SAMMSON: variants seen among roughly 807,000 people sequenced by gnomAD.
SAMMSON encodes the protein survival associated mitochondrial melanoma specific oncogenic non-coding RNA, also known as long intergenic non-protein coding RNA 1212.
chr3:70,148,215 A>G (rs1303511268), intron 4 of SAMMSON, among the ~76,000 whole-genome samples: 1 of 152,130 alleles, frequency 6.6e-6, no homozygotes. Flanking sequence ...ATTCTGGAAA[A>G]TAGTTCAGTG....
At chr3:70,113,404 G>A (rs1192146550) in intron 4 of SAMMSON, among the ~76,000 whole-genome samples, 1 of 152,102 alleles carries the variant, frequency 6.6e-6, no homozygotes, top group Non-Finnish European at 1.5e-5. Context: ...ATAAACCAAT[G>A]TTACAAATAA....
chr3:70,228,912 A>T (rs945481194), intron 4 of SAMMSON, among the ~76,000 whole-genome samples: 13 of 152,100 alleles, frequency 8.5e-5, no homozygotes, highest in African/African-American at 3.1e-4. Context: ...ACTCAGCTAA[A>T]AGGTGTGAGT....
At chr3:70,093,868 C>G (rs1402253541) in intron 4 of SAMMSON, among the ~76,000 whole-genome samples, 1 of 152,134 alleles carries the variant, frequency 6.6e-6, no homozygotes, top group African/African-American at 2.4e-5. Context: ...AAAACCAAAG[C>G]TTTTTGATTC....
intron 4 of SAMMSON, among the ~76,000 whole-genome samples, chr3:70,153,221 TTTTAAATGAC>T (rs1410860950): frequency 6.6e-6 from 1 of 151,966 alleles, no homozygotes; most frequent in Non-Finnish European, 1.5e-5. Context: ...CGCCCAAGTT[TTTTAAATGAC>T]TTTACAAAGT....
intron 7 of SAMMSON, among the ~76,000 whole-genome samples, chr3:70,308,749 A>G (rs1702428154): frequency 6.6e-6 from 1 of 152,132 alleles, no homozygotes; most frequent in African/African-American, 2.4e-5. Flanking sequence ...GAGTTGGATA[A>G]ATGATATGAA....
chr3:70,193,739 G>A (rs1001405166), intron 4 of SAMMSON, among the ~76,000 whole-genome samples: 3 of 152,128 alleles, frequency 2.0e-5, no homozygotes, highest in African/African-American at 7.2e-5. Context: ...CAAAATTCTT[G>A]CAGTCAAACA....
intron 6 of SAMMSON, among the ~76,000 whole-genome samples, chr3:70,287,956 T>C (rs1488478066): frequency 6.6e-6 from 1 of 152,196 alleles, no homozygotes; most frequent in Non-Finnish European, 1.5e-5. Flanking sequence ...TCTTTTTTTC[T>C]TTATTAGTCT....
intron 3 of SAMMSON, among the ~76,000 whole-genome samples, chr3:70,022,426 C>CAAAAAAAAAAAAAAAAA (rs60455629): frequency 3.3e-5 from 3 of 91,124 alleles, no homozygotes; most frequent in Non-Finnish European, 6.7e-5. Flanking sequence ...AGTATAATAA[C>CAAAAAAAAAAAAAAAAA]AAAAAAAAAA....
intron 7 of SAMMSON, among the ~76,000 whole-genome samples, chr3:70,324,191 CT>C (rs71126491): frequency 0.41 from 47,426 of 116,402 alleles, 8,447 homozygotes; most frequent in Non-Finnish European, 0.47. Flanking sequence ...ATCTATCTAT[CT>C]ATCTATCATC....
intron 7 of SAMMSON, among the ~76,000 whole-genome samples, chr3:70,327,283 A>G (rs1482306543): frequency 1.3e-5 from 2 of 152,220 alleles, no homozygotes; most frequent in Admixed American, 1.3e-4. Context: ...CTTAAAACAA[A>G]CAAGCATACA....
At chr3:70,396,919 A>G (rs907645684) in intron 2 of SAMMSON, among the ~76,000 whole-genome samples, 4 of 152,200 alleles carry the variant, frequency 2.6e-5, no homozygotes, top group African/African-American at 9.6e-5. Context: ...AAGATAATCA[A>G]AGGAAAATTT....
downstream of SAMMSON, among the ~76,000 whole-genome samples, chr3:70,393,302 G>A (rs891449908): frequency 6.6e-6 from 1 of 152,174 alleles, no homozygotes; most frequent in Non-Finnish European, 1.5e-5. Context: ...AACTCTATGA[G>A]CCTCCATTTT....
chr3:70,315,488 A>G (rs977718372), intron 7 of SAMMSON, among the ~76,000 whole-genome samples: 3 of 152,128 alleles, frequency 2.0e-5, no homozygotes, highest in Non-Finnish European at 4.4e-5. Context: ...TTTGTCATCC[A>G]CTTCATTAGA....
At chr3:70,403,496 T>C (rs182285106) in intron 2 of SAMMSON, among the ~76,000 whole-genome samples, 7 of 152,220 alleles carry the variant, frequency 4.6e-5, no homozygotes, top group Non-Finnish European at 8.8e-5. Context: ...TATCTTATAC[T>C]GTAGATCGCA....
chr3:70,337,028 A>AATAATATCTAACTTAATATTATTATTAT (rs1559566657), intron 7 of SAMMSON, among the ~76,000 whole-genome samples: 1 of 138,658 alleles, frequency 7.2e-6, no homozygotes, highest in Non-Finnish European at 1.6e-5. Flanking sequence ...ATTATTATTA[A>AATAATATCTAACTTAATATTATTATTAT]TAATAATATC....
intron 1 of SAMMSON, among the ~76,000 whole-genome samples, chr3:70,007,089 A>T (rs1460518895): frequency 1.3e-5 from 2 of 152,092 alleles, no homozygotes; most frequent in African/African-American, 4.8e-5. Flanking sequence ...GCTATTGTGA[A>T]TAGTGCCACA....
At chr3:70,366,404 T>C (rs1045398131) in intron 9 of SAMMSON, among the ~76,000 whole-genome samples, 9 of 151,666 alleles carry the variant, frequency 5.9e-5, no homozygotes, top group African/African-American at 2.2e-4. Flanking sequence ...GTATATAGCC[T>C]TTTTGCGTTG....
chr3:70,007,958 A>G (rs2066935574), intron 1 of SAMMSON, among the ~76,000 whole-genome samples: 1 of 151,954 alleles, frequency 6.6e-6, no homozygotes, highest in Non-Finnish European at 1.5e-5. Flanking sequence ...ATGGTTGTAG[A>G]TACGCGGCAT....
chr3:70,434,420 G>C (rs1335933551), intron 2 of SAMMSON, among the ~76,000 whole-genome samples: 1 of 151,994 alleles, frequency 6.6e-6, no homozygotes, highest in Admixed American at 6.6e-5. Context: ...AATTCTATGT[G>C]TTCATTATTG....
Sources: gnomAD v4.1 joint callset for allele counts (sites outside exome capture counted in the v4.1 genomes callset) on GRCh38, gnomAD v4.1.1 for gene constraint, MANE v1.5 for transcripts, NCBI Gene and HGNC (gene_info 2026-07-23, HGNC 2026-07-21) for gene names.